FGFR3: variants seen among roughly 807,000 people sequenced by gnomAD.
FGFR3 encodes FGFR-3.
A neutral mutation model predicts 82.9 loss-of-function variants in FGFR3; 25 were observed. The observed-to-expected ratio is 0.30, with a 90% CI of 0.22 to 0.42. FGFR3 has a LOEUF of 0.42. FGFR3 is among the 10% of genes least tolerant of loss of function. FGFR3 has a pLI of 1.00. For synonymous variants in FGFR3, 620 were observed against 516.0 expected (o/e 1.20, Z -2.73); for missense variants, 1,026 against 1,161.0 (o/e 0.88, Z 1.69).
rs774898004 is a variant in FGFR3, at chr4:1,807,418, T to C, written c.*156T>C. The C allele has an allele frequency of 9.5e-5, 73 of 764,980 alleles. No individual in the cohort carries two copies. Among genetic ancestry groups the C allele is most frequent in the African/African-American group, 3.6e-4 (20 of 55,864 alleles). The allele number at this position is 764,980 out of a possible 1,614,324, so 47.4% of individuals were successfully genotyped here. ...GTGTGTGCGTGTGTGTGTGTGTGTG[T>C]GCACATCCGCGTGTGCCTGTGTGCG... is the stretch of plus-strand genomic sequence containing the variant. On this transcript the variant is annotated 3_prime_UTR_variant, in exon 18 of 18. Coordinates refer to ENST00000440486, the MANE Select transcript of FGFR3 (RefSeq NM_000142.5).
intron 7 of FGFR3, among the ~76,000 whole-genome samples, 194 bp downstream of exon 7, chr4:1,802,219 C>T (rs943338799): frequency 4.6e-5 from 7 of 152,134 alleles, no homozygotes; most frequent in African/African-American, 1.2e-4. Flanking sequence ...CGTTGGGACC[C>T]GTTTCCGTGT....
intron 7 of FGFR3, chr4:1,802,908 C>A: frequency 6.3e-7 from 1 of 1,588,104 alleles, no homozygotes; most frequent in East Asian, 2.4e-5. Flanking sequence ...TCTCTTGTCC[C>A]CGCAGTCCTG....
chr4:1,802,472 CT>C (rs1032802888), intron 7 of FGFR3, among the ~76,000 whole-genome samples: 3 of 152,194 alleles, frequency 2.0e-5, no homozygotes, highest in Non-Finnish European at 4.4e-5. Context: ...AAGCCCTTAG[CT>C]TTGTTCCCAT....
At chr4:1,804,286 G>GA (rs1721578704) in intron 8 of FGFR3, 44 bp from the exon 9 acceptor site, 1 of 414,254 alleles carries the variant, frequency 2.4e-6, no homozygotes, top group African/African-American at 2.7e-5. Context: ...GGAGCCCCGT[G>GA]GGGGGGGGGG....
At position 1,807,171 on chromosome 4, in the gene FGFR3, C is replaced by A. The variant is rs775451126; in HGVS notation, c.2330C>A (p.Thr777Asn). 16 of 1,602,878 alleles carry A rather than the reference C, an allele frequency of 1.0e-5. No individual in the cohort carries two copies. The highest frequency in any genetic ancestry group is 1.2e-5 in the Non-Finnish European group (14 of 1,175,468). Residue 777 changes from threonine (T) to asparagine (N), a missense_variant, in exon 18 of 18, where the codon ACC becomes AAC. This residue lies in a region of FGFR3 where 155 missense variants were observed against 150.2 expected (regional missense o/e 1.03). Transcript: ENST00000440486. ...CAGTACTCCCCGGGTGGCCAGGACA[C>A]CCCCAGCTCCAGCTCCTCAGGGGAC... ...FEQYSPGGQD[T>N]PSSSSSGDDS...
At chr4:1,798,146 G>A (rs867313827) in intron 2 of FGFR3, among the ~76,000 whole-genome samples, 1 of 152,078 alleles carries the variant, frequency 6.6e-6, no homozygotes, top group South Asian at 2.1e-4. Flanking sequence ...ACAGGCTTTG[G>A]TGGCTCTGGG....
intron 7 of FGFR3, 118 bp from the exon 8 acceptor site, chr4:1,803,574 T>G: frequency 4.0e-6 from 6 of 1,505,514 alleles, no homozygotes; most frequent in Non-Finnish European, 5.3e-6. Flanking sequence ...TGGCGGTGGC[T>G]GAGGAGTTGG....
chr4:1,801,771 G>T, intron 6 of FGFR3, 28 bp downstream of exon 6: 2 of 1,592,420 alleles, frequency 1.3e-6, no homozygotes, highest in Non-Finnish European at 1.7e-6. Context: ...GCGCGGGGGT[G>T]GGGGCGGCAG....
rs759980266 is a variant in FGFR3, at chr4:1,804,366, G to T, written c.1112G>T (p.Ser371Ile). ...EELVEADEAG[S>I]VYAGILSYGV... The stretch of plus-strand genomic sequence containing the variant: ...CTGGTGGAGGCTGACGAGGCGGGCA[G>T]TGTGTATGCAGGCATCCTCAGCTAC... The change falls in exon 9 of 18, where the codon AGT becomes ATT. Residue 371 changes from serine (S) to isoleucine (I), a missense_variant. Ser to Ile is a moderately radical substitution (Grantham distance 142). Coordinates refer to ENST00000440486, the MANE Select transcript of FGFR3 (RefSeq NM_000142.5). The T allele has an allele frequency of 6.2e-7, 1 of 1,612,476 alleles. No individual in the cohort carries two copies. The highest frequency in any genetic ancestry group is 2.2e-5 in the East Asian group (1 of 44,878).
At chr4:1,794,070 A>G in intron 2 of FGFR3, 27 bp downstream of exon 2, 1 of 1,299,762 alleles carries the variant, frequency 7.7e-7, no homozygotes, top group Non-Finnish European at 1.0e-6. Context: ...TAGGCACGGG[A>G]GAGGCCGGCC....
intron 2 of FGFR3, among the ~76,000 whole-genome samples, chr4:1,797,797 A>G (rs2108766549): frequency 6.6e-6 from 1 of 152,148 alleles, no homozygotes; most frequent in Middle Eastern, 3.4e-3. Flanking sequence ...GCTTCAGGGG[A>G]TGAGTGTGGG....
chr4:1,806,390 C>T lies in FGFR3; in HGVS notation c.2030+63C>T, dbSNP rs1042118208. 5.0e-6 allele frequency: 8 copies of T among 1,605,524 alleles called. No individual in the cohort carries two copies. In the Admixed American group the frequency reaches 6.7e-5, roughly 13 times the overall value. On this transcript the variant is annotated intron_variant, in intron 15 of 17. Transcript: ENST00000440486. ...GCGGGAACTGGGCAGAGCCAGGACCCCAGCTGCAGTCCCCAGGCCTGTGCC... is the reference window on the plus strand; with the variant it reads ...GCGGGAACTGGGCAGAGCCAGGACCTCAGCTGCAGTCCCCAGGCCTGTGCC...
Position 1,799,826 on chromosome 4 carries a change from C to T in FGFR3, c.445+14C>T. The T allele has an allele frequency of 6.2e-7, 1 of 1,612,430 alleles. No homozygotes were observed. The highest frequency in any genetic ancestry group is 8.5e-7 in the Non-Finnish European group (1 of 1,179,776). On this transcript the variant is annotated intron_variant, in intron 4 of 17. Transcript: ENST00000440486. ...GTGTGGACACAGGTAGGAGCAGGGT[C>T]CAGGGTTCAGGCCAGCCGGGGTGGG...
In FGFR3 at chr4:1,801,942, C is replaced by A. The variant is rs769692611; in HGVS notation, c.847C>A (p.Pro283Thr). The A allele has an allele frequency of 3.1e-6, 5 of 1,612,796 alleles. No individual in the cohort carries two copies. Among genetic ancestry groups the A allele is most frequent in the East Asian group, 2.2e-5 (1 of 44,872 alleles). ...FHCKVYSDAQPHIQWLKHVEV... is the reference protein window; with the variant it reads ...FHCKVYSDAQTHIQWLKHVEV... ...CTGCAAGGTGTACAGTGACGCACAGCCCCACATCCAGTGGCTCAAGCACGT... is the reference window on the plus strand; with the variant it reads ...CTGCAAGGTGTACAGTGACGCACAGACCCACATCCAGTGGCTCAAGCACGT... Residue 283 changes from proline to threonine, a missense_variant, in exon 7 of 18, where the codon CCC (proline) becomes ACC (threonine). Transcript: ENST00000440486.
chr4:1,802,692 G>A (rs1271937450), intron 7 of FGFR3, among the ~76,000 whole-genome samples: 1 of 152,134 alleles, frequency 6.6e-6, no homozygotes, highest in Non-Finnish European at 1.5e-5. Flanking sequence ...CCAGTGACCA[G>A]AGGTTGTCTG....
chr4:1,804,879 C>T lies in FGFR3; in HGVS notation c.1322C>T (p.Ala441Val). 2.6e-6 allele frequency: 4 copies of T among 1,550,144 alleles called. No homozygotes were observed. In the East Asian group the frequency reaches 7.3e-5, roughly 28 times the overall value. Residue 441 changes from alanine to valine, a missense_variant, in exon 10 of 18, where the codon GCA becomes GTA. Ala to Val is a moderately conservative substitution (Grantham distance 64, BLOSUM62 0). This residue lies in a region of FGFR3 where 256 missense variants were observed against 217.6 expected (regional missense o/e 1.18). Transcript: ENST00000440486. ...TCCAACACACCACTGGTGCGCATCG[C>T]AAGGCTGTCCTCAGGGGAGGGCCCC... ...MSSNTPLVRI[A>V]RLSSGEGPTL...
chr4:1,800,904 T>C (rs1352037003), intron 4 of FGFR3, among the ~76,000 whole-genome samples: 2 of 152,078 alleles, frequency 1.3e-5, no homozygotes, highest in African/African-American at 2.4e-5. Context: ...CAGAGGGTGG[T>C]GTAGGGTCTT....
In FGFR3 at chr4:1,805,761, G is replaced by C. The variant is rs199544087; in HGVS notation, c.1657G>C (p.Val553Leu). ...GACTQGGPLY[V>L]LVEYAAKGNL... The stretch of plus-strand genomic sequence containing the variant: ...GCCCGTGTCCCCAGGGCCCCTGTAC[G>C]TGCTGGTGGAGTACGCGGCCAAGGG... The change falls in exon 13 of 18, where the codon GTG (valine) becomes CTG (leucine). Residue 553 changes from valine to leucine, a missense_variant. Physicochemically the swap from Val to Leu is conservative, Grantham distance 32. Transcript: ENST00000440486. 5.0e-6 allele frequency: 8 copies of C among 1,612,480 alleles called. No homozygotes were observed. The highest frequency in any genetic ancestry group is 4.5e-5 in the East Asian group (2 of 44,884).
rs745397432 is a variant in FGFR3 at position 1,801,685 on chromosome 4, C to G, written c.681C>G (p.Thr227=). 6.2e-7 allele frequency: 1 copy of G among 1,611,212 alleles called. No individual in the cohort carries two copies. The highest frequency in any genetic ancestry group is 8.5e-7 in the Non-Finnish European group (1 of 1,179,308). Residue 227 remains threonine (T), a synonymous_variant, in exon 6 of 18, where the codon ACC becomes ACG. Transcript: ENST00000440486. ...TGCCCTCGGACCGCGGCAACTACAC[C>G]TGCGTCGTGGAGAACAAGTTTGGCA... is the stretch of plus-strand genomic sequence containing the variant. The part of the protein sequence containing the change: ...SVVPSDRGNY[T]CVVENKFGSI...
Sources: allele counts gnomAD v4.1 joint callset (sites outside exome capture counted in the v4.1 genomes callset), GRCh38; gene constraint gnomAD v4.1.1; regional missense constraint gnomAD v4.1.1; transcripts MANE v1.5; gene names NCBI Gene and HGNC (gene_info 2026-07-23, HGNC 2026-07-21).